The following HTATIP2 variants were observed in gnomAD, a reference collection of about 807,000 sequenced individuals.
HTATIP2 encodes protein HTATIP2.
Under a neutral mutation model 24.7 loss-of-function variants are expected in HTATIP2, and 26 were observed. The ratio of observed to expected loss-of-function variants is 1.05; its 90% CI spans 0.77 to 1.46. HTATIP2 has a LOEUF of 1.46. Ranked by LOEUF, HTATIP2 falls within the 40% of genes most tolerant of loss-of-function variation. The probability of loss-of-function intolerance (pLI) is 0.00; values close to 1 mark genes in which losing one functional copy is unlikely to be tolerated. For synonymous variants in HTATIP2, 99 were observed against 113.2 expected, an observed-to-expected ratio of 0.87 and a Z score of 0.79; for missense variants, 284 against 289.6, an observed-to-expected ratio of 0.98 and a Z score of 0.14.
At position 20,383,066 on chromosome 11, in the gene HTATIP2, G is replaced by C. The variant is rs773030202; in HGVS notation, c.590G>C (p.Ser197Thr). 1.2e-6 allele frequency: 2 copies of C among 1,613,684 alleles called. No individual in the cohort carries two copies. Among genetic ancestry groups the C allele is most frequent in the South Asian group, 2.2e-5 (2 of 91,062 alleles). Residue 197 changes from serine to threonine, a missense_variant, in exon 5 of 5, where the codon AGT (serine) becomes ACT (threonine). Transcript: ENST00000451739. The stretch of plus-strand genomic sequence containing the variant: ...GGCTCCTTACCAGACTCTTGGGCCA[G>C]TGGGCATTCTGTGCCTGTGGTGACC... Reference protein sequence around the residue: ...FFGSLPDSWASGHSVPVVTVV... With the variant: ...FFGSLPDSWATGHSVPVVTVV...
Position 20,383,243 on chromosome 11 carries a change from AC to A in HTATIP2, c.*41del. The stretch of plus-strand genomic sequence containing the variant: ...AATGGTTTTTATTGTCAACCTTAAC[AC>A]CCATCACCAAATCGGTAATTTCAGG... On this transcript the variant is annotated 3_prime_UTR_variant, in exon 5 of 5. Coordinates refer to ENST00000451739, the MANE Select transcript of HTATIP2 (RefSeq NM_001098522.2). The A allele has an allele frequency of 6.8e-7, 1 of 1,463,586 alleles. No homozygotes were observed. Among genetic ancestry groups the A allele is most frequent in the Non-Finnish European group, 9.4e-7 (1 of 1,060,334 alleles). The allele number at this position is 1,463,586 out of a possible 1,614,324, so 90.7% of individuals were successfully genotyped here.
chr11:20,373,120 G>A (rs1186700527), intron 2 of HTATIP2, among the ~76,000 whole-genome samples: 1 of 152,184 alleles, frequency 6.6e-6, no homozygotes, highest in Non-Finnish European at 1.5e-5. Context: ...TTTGTCCAGA[G>A]AACAGCAATG....
intron 2 of HTATIP2, among the ~76,000 whole-genome samples, chr11:20,375,381 C>G (rs2001924): frequency 0.97 from 147,788 of 152,290 alleles, 71,864 homozygotes; most frequent in Non-Finnish European, 1. Context: ...AGACCAGCCT[C>G]GCTAACGTGG....
intron 2 of HTATIP2, among the ~76,000 whole-genome samples, chr11:20,372,261 G>A (rs1265494442): frequency 3.6e-4 from 55 of 152,288 alleles, no homozygotes; most frequent in Admixed American, 3.5e-3. Context: ...TTCTTGAGTC[G>A]TTTAGACGTG....
intron 2 of HTATIP2, among the ~76,000 whole-genome samples, chr11:20,371,774 A>G (rs992838557): frequency 2.6e-5 from 4 of 152,184 alleles, no homozygotes; most frequent in Non-Finnish European, 5.9e-5. Context: ...AGAAGAAAGA[A>G]TATCCAATTG....
chr11:20,376,311 G>A (rs1012510444), intron 2 of HTATIP2: 7 of 435,300 alleles, frequency 1.6e-5, no homozygotes, highest in Admixed American at 4.4e-5. Context: ...TTTGTTCTTT[G>A]CAGATTTGTT....
At chr11:20,376,559 T>TCATGTCCTTTTCCCC (rs1435426515) in intron 2 of HTATIP2, 21 bp from the exon 3 acceptor site, 10 of 1,613,502 alleles carry the variant, frequency 6.2e-6, no homozygotes, top group East Asian at 2.2e-5. Context: ...TGGAAATAAC[T>TCATGTCCTTTTCCCC]CATGTCCTTT....
chr11:20,372,156 C>T (rs948751068), intron 2 of HTATIP2, among the ~76,000 whole-genome samples: 2 of 152,050 alleles, frequency 1.3e-5, no homozygotes, highest in African/African-American at 4.8e-5. Flanking sequence ...ACTGTGTTGC[C>T]AAGGCTAGAC....
chr11:20,372,868 T>A (rs1288372240), intron 2 of HTATIP2, among the ~76,000 whole-genome samples: 1 of 152,180 alleles, frequency 6.6e-6, no homozygotes, highest in Non-Finnish European at 1.5e-5. Context: ...GTGTGATACC[T>A]CCTAGTCAGT....
chr11:20,375,341 G>A (rs1848429802), intron 2 of HTATIP2, among the ~76,000 whole-genome samples: 1 of 152,190 alleles, frequency 6.6e-6, no homozygotes, highest in Admixed American at 6.5e-5. Flanking sequence ...GAAGGCCAAG[G>A]TGGGCGGGTC....
chr11:20,364,536 G>A (rs2064674824), intron 1 of HTATIP2, 104 bp downstream of exon 1: 9 of 1,023,384 alleles, frequency 8.8e-6, no homozygotes, highest in Non-Finnish European at 8.5e-6. Context: ...TGGGGGTAGT[G>A]AGAGGCCATC....
intron 1 of HTATIP2, among the ~76,000 whole-genome samples, chr11:20,365,046 C>T (rs904590010): frequency 2.0e-5 from 3 of 150,060 alleles, no homozygotes; most frequent in Non-Finnish European, 4.4e-5. Flanking sequence ...TGCAGTGGCA[C>T]GATCTCGGCT....
chr11:20,367,173 G>A lies in HTATIP2; in HGVS notation c.196-1G>A, dbSNP rs751752269. 1.2e-6 allele frequency: 2 copies of A among 1,613,914 alleles called. No homozygotes were observed. The highest frequency in any genetic ancestry group is 1.7e-6 in the Non-Finnish European group (2 of 1,179,994). On this transcript the variant is annotated splice_acceptor_variant, in intron 1 of 4. Transcript: ENST00000451739. LOFTEE classifies it high-confidence loss of function. ...CTACATACAACTGTGTCCTTGCCTA[G>A]AATCAAGAAGTGGTGGACTTTGAAA... is the stretch of plus-strand genomic sequence containing the variant.
intron 1 of HTATIP2, among the ~76,000 whole-genome samples, chr11:20,366,573 A>G (rs759378923): frequency 6.6e-6 from 1 of 152,170 alleles, no homozygotes; most frequent in Non-Finnish European, 1.5e-5. Context: ...GTGCATGAGA[A>G]TTAAGGTGGG....
Position 20,367,743 on chromosome 11 carries a change from A to G in HTATIP2, c.303+462A>G, listed in dbSNP as rs1266150621. ...AATAGAACATCAGAACACAGGCACG[A>G]TTCAACCAGCCTCCAGCGATGACTC... On this transcript the variant is annotated intron_variant, in intron 2 of 4. Coordinates refer to ENST00000451739, the MANE Select transcript of HTATIP2 (RefSeq NM_001098522.2). The G allele has an allele frequency of 4.6e-6, 4 of 861,310 alleles. No homozygotes were observed. In the African/African-American group the frequency reaches 5.5e-5, roughly 12 times the overall value. 53.4% of individuals were successfully genotyped at this position (861,310 alleles called of 1,614,324 possible).
intron 3 of HTATIP2, among the ~76,000 whole-genome samples, chr11:20,380,619 C>A (rs530304244): frequency 1.3e-4 from 18 of 136,626 alleles, no homozygotes; most frequent in Non-Finnish European, 2.0e-4. Flanking sequence ...TTGCAGTGAG[C>A]TGAGATTGCG....
intron 3 of HTATIP2, among the ~76,000 whole-genome samples, chr11:20,380,180 AT>A (rs1442411986): frequency 2.0e-5 from 3 of 152,194 alleles, no homozygotes; most frequent in African/African-American, 7.2e-5. Context: ...CATAAACCAC[AT>A]TGTTTGTACA....
At chr11:20,370,078 T>A (rs2064755310) in intron 2 of HTATIP2, among the ~76,000 whole-genome samples, 1 of 152,166 alleles carries the variant, frequency 6.6e-6, no homozygotes, top group Admixed American at 6.5e-5. Flanking sequence ...AAGCTTGGAA[T>A]CTGTATTTTT....
Position 20,364,094 on chromosome 11 carries a change from G to C in HTATIP2, c.-144G>C, listed in dbSNP as rs1016263083. ...ATGGCCGGGGAGCCGCGCCCCGCAC[G>C]TGACTCAGCACTTTCCCCAGAGCCC... On this transcript the variant is annotated 5_prime_UTR_variant, in exon 1 of 5. Transcript: ENST00000451739. 5.0e-6 allele frequency: 7 copies of C among 1,387,216 alleles called. No homozygotes were observed. The highest frequency in any genetic ancestry group is 6.5e-6 in the Non-Finnish European group (7 of 1,068,918). 85.9% of individuals were successfully genotyped at this position (1,387,216 alleles called of 1,614,324 possible). A position where few individuals can be genotyped will look rare whatever the true frequency, so the allele number is the denominator to read the frequency against.
Sources: gnomAD v4.1 joint callset for allele counts (sites outside exome capture counted in the v4.1 genomes callset) on GRCh38, gnomAD v4.1.1 for gene constraint, MANE v1.5 for transcripts, NCBI Gene and HGNC (gene_info 2026-07-23, HGNC 2026-07-21) for gene names.